The following ASIC2 variants were observed in gnomAD, a reference collection of about 807,000 sequenced individuals.
ASIC2 encodes acid-sensing ion channel 2.
In ASIC2, 25 loss-of-function variants were observed where a neutral mutation model predicts 57.3. That is an observed-to-expected ratio of 0.44 (90% confidence interval 0.32 to 0.61). The LOEUF is 0.61. ASIC2 is among the 20% of genes least tolerant of loss of function. The probability of loss-of-function intolerance (pLI) is 0.06; values close to 1 mark genes in which losing one functional copy is unlikely to be tolerated. For synonymous variants in ASIC2, 319 were observed against 307.5 expected (o/e 1.04, Z -0.39); for missense variants, 641 against 738.1 (o/e 0.87, Z 1.52).
chr17:33,977,814 G>A (rs2142002151), intron 1 of ASIC2, among the ~76,000 whole-genome samples: 1 of 152,342 alleles, frequency 6.6e-6, no homozygotes, highest in Non-Finnish European at 1.5e-5. Flanking sequence ...CAGGGACAGA[G>A]AAGGCCTGCC....
intron 1 of ASIC2, among the ~76,000 whole-genome samples, chr17:33,188,725 C>G (rs1906299698): frequency 6.6e-6 from 1 of 151,848 alleles, no homozygotes; most frequent in Non-Finnish European, 1.5e-5. Context: ...ATTTCAATAA[C>G]AAAAGTAAAG....
chr17:33,051,501 A>T (rs1191788510), intron 3 of ASIC2, among the ~76,000 whole-genome samples: 1 of 152,180 alleles, frequency 6.6e-6, no homozygotes. Context: ...CAAAATATTA[A>T]TAAGCTGATT....
chr17:33,438,057 T>A (rs568117338), intron 1 of ASIC2, among the ~76,000 whole-genome samples: 1 of 152,298 alleles, frequency 6.6e-6, no homozygotes, highest in African/African-American at 2.4e-5. Flanking sequence ...CCAGAAGCCC[T>A]CTGGGGTCAT....
At chr17:33,688,466 G>T (rs1306823415) in intron 1 of ASIC2, among the ~76,000 whole-genome samples, 1 of 152,096 alleles carries the variant, frequency 6.6e-6, no homozygotes, top group Non-Finnish European at 1.5e-5. Context: ...CACCTGTGAT[G>T]TACTTAATGG....
At chr17:33,868,307 C>T (rs1285902997) in intron 1 of ASIC2, among the ~76,000 whole-genome samples, 4 of 151,832 alleles carry the variant, frequency 2.6e-5, no homozygotes, top group Admixed American at 2.6e-4. Context: ...ATGAAAACAG[C>T]TATAGATAGT....
intron 1 of ASIC2, among the ~76,000 whole-genome samples, chr17:33,194,329 C>T (rs999281671): frequency 7.2e-5 from 11 of 152,212 alleles, no homozygotes; most frequent in Non-Finnish European, 1.5e-4. Context: ...CTTGTGTCTT[C>T]CTAGCATGTT....
At chr17:33,598,496 T>C (rs910073524) in intron 1 of ASIC2, among the ~76,000 whole-genome samples, 2 of 151,972 alleles carry the variant, frequency 1.3e-5, no homozygotes, top group Non-Finnish European at 1.5e-5. Flanking sequence ...AATTGAAGGG[T>C]GGTGTTTCTT....
chr17:33,365,270 C>G (rs566268650), intron 1 of ASIC2, among the ~76,000 whole-genome samples: 1 of 152,302 alleles, frequency 6.6e-6, no homozygotes, highest in South Asian at 2.1e-4. Context: ...TCTGTGCTCC[C>G]TCGGCACCTG....
chr17:33,538,271 G>A (rs1915299529), intron 1 of ASIC2, among the ~76,000 whole-genome samples: 1 of 152,158 alleles, frequency 6.6e-6, no homozygotes, highest in Non-Finnish European at 1.5e-5. Flanking sequence ...GAATGATTAG[G>A]TCTCATCGCA....
At chr17:33,601,233 A>G (rs926332926) in intron 1 of ASIC2, among the ~76,000 whole-genome samples, 6 of 152,232 alleles carry the variant, frequency 3.9e-5, no homozygotes, top group African/African-American at 1.4e-4. Context: ...GACTAATAGA[A>G]TAGAAGGGAG....
At chr17:33,230,016 G>C (rs1173763667) in intron 1 of ASIC2, among the ~76,000 whole-genome samples, 6 of 152,222 alleles carry the variant, frequency 3.9e-5, no homozygotes, top group Non-Finnish European at 8.8e-5. Flanking sequence ...CCTGTGAACT[G>C]TGCCAGGCAG....
At chr17:33,893,525 GAGA>G (rs1404391121) in intron 1 of ASIC2, among the ~76,000 whole-genome samples, 1 of 152,196 alleles carries the variant, frequency 6.6e-6, no homozygotes, top group Non-Finnish European at 1.5e-5. Flanking sequence ...AGGCTATTTT[GAGA>G]AGGTTTCTGA....
rs548877381 is a variant in ASIC2, at chr17:33,747,882, A to T, written c.555+408096T>A. On this transcript the variant is annotated intron_variant, in intron 1 of 9. Transcript: ENST00000359872. ...CCTCACCTCAACTCCATCCCCTGAC[A>T]TCATCCCCGCATCTTCAAGTCACTT... is the stretch of plus-strand genomic sequence containing the variant. 5.3e-5 allele frequency among the ~76,000 whole-genome samples: 8 copies of T among 152,286 alleles called. No homozygotes were observed. In the East Asian group the frequency reaches 1.5e-3, roughly 29 times the overall value.
intron 1 of ASIC2, among the ~76,000 whole-genome samples, chr17:33,154,576 A>C (rs182243544): frequency 6.6e-6 from 1 of 152,306 alleles, no homozygotes; most frequent in African/African-American, 2.4e-5. Flanking sequence ...CACACAGCAC[A>C]GTAGCCATGC....
intron 1 of ASIC2, among the ~76,000 whole-genome samples, chr17:33,741,971 T>C (rs1389913699): frequency 2.0e-5 from 3 of 152,134 alleles, no homozygotes; most frequent in Non-Finnish European, 4.4e-5. Flanking sequence ...ATTCCTACCA[T>C]GAGGAAAGGC....
chr17:33,773,001 C>T (rs570778628), intron 1 of ASIC2, among the ~76,000 whole-genome samples: 2 of 152,288 alleles, frequency 1.3e-5, no homozygotes, highest in South Asian at 4.1e-4. Flanking sequence ...TAAGTGGAAA[C>T]GACTGTTATT....
intron 1 of ASIC2, among the ~76,000 whole-genome samples, chr17:33,914,468 C>T (rs1305643542): frequency 2.0e-5 from 3 of 152,058 alleles, no homozygotes; most frequent in East Asian, 3.8e-4. Flanking sequence ...AGGGGAGCCT[C>T]GATGAATCTG....
At chr17:33,611,865 G>A (rs1905419628) in intron 1 of ASIC2, among the ~76,000 whole-genome samples, 1 of 152,204 alleles carries the variant, frequency 6.6e-6, no homozygotes, top group South Asian at 2.1e-4. Context: ...GTATTAGTTT[G>A]AGTTCTTACT....
intron 1 of ASIC2, among the ~76,000 whole-genome samples, chr17:33,228,073 G>A (rs928267832): frequency 2.6e-5 from 4 of 152,178 alleles, no homozygotes; most frequent in African/African-American, 9.7e-5. Flanking sequence ...ACTCCACATG[G>A]GGTCCTTGCT....
Sources: allele counts gnomAD v4.1 joint callset (sites outside exome capture counted in the v4.1 genomes callset), GRCh38; gene constraint gnomAD v4.1.1; transcripts MANE v1.5; gene names NCBI Gene and HGNC (gene_info 2026-07-23, HGNC 2026-07-21).